Variants in PCBP3 observed in about 807,000 individuals in gnomAD.
PCBP3 encodes the protein poly(rC)-binding protein 3.
A neutral mutation model predicts 52.7 loss-of-function variants in PCBP3; 25 were observed. The ratio of observed to expected loss-of-function variants is 0.47; its 90% CI spans 0.35 to 0.66. PCBP3 has a LOEUF of 0.66. Ranked by LOEUF, PCBP3 falls within the 30% of genes least tolerant of loss-of-function variation. The pLI is 0.01. For missense variants in PCBP3, 391 were observed against 490.3 expected, an observed-to-expected ratio of 0.80 and a Z score of 1.91; for synonymous variants, 162 against 183.0, an observed-to-expected ratio of 0.89 and a Z score of 0.93.
chr21:45,868,799 A>AT (rs2094872507), intron 5 of PCBP3, among the ~76,000 whole-genome samples: 1 of 152,208 alleles, frequency 6.6e-6, no homozygotes, highest in Non-Finnish European at 1.5e-5. Context: ...GAAGGGAGCC[A>AT]TGGCGGACGT....
chr21:45,896,116 G>T, intron 5 of PCBP3, 92 bp from the exon 6 acceptor site: 2 of 1,244,430 alleles, frequency 1.6e-6, no homozygotes, highest in Non-Finnish European at 2.3e-6. Flanking sequence ...CCTGCCACCC[G>T]GGAGGCCGGA....
At chr21:45,700,779 T>C (rs1360433722) in intron 2 of PCBP3, among the ~76,000 whole-genome samples, 1 of 152,182 alleles carries the variant, frequency 6.6e-6, no homozygotes, top group Non-Finnish European at 1.5e-5. Flanking sequence ...TCTCAGGCAC[T>C]GCGTCCCTCA....
chr21:45,936,483 G>T (rs964890514), intron 16 of PCBP3, among the ~76,000 whole-genome samples: 12 of 152,236 alleles, frequency 7.9e-5, no homozygotes, highest in Admixed American at 3.9e-4. Flanking sequence ...TCTGAGGTTG[G>T]CCCAACTTGA....
chr21:45,764,215 C>T (rs947275397), intron 4 of PCBP3, among the ~76,000 whole-genome samples: 4 of 151,754 alleles, frequency 2.6e-5, no homozygotes, highest in African/African-American at 9.7e-5. Context: ...CTCCGCCTCC[C>T]GGGTTCAAGC....
intron 1 of PCBP3, among the ~76,000 whole-genome samples, chr21:45,652,626 AGAGAC>A (rs2079762655): frequency 1.3e-5 from 2 of 152,166 alleles, no homozygotes; most frequent in African/African-American, 4.8e-5. Context: ...ATTTTTTAGT[AGAGAC>A]GGGGTTTCAC....
At chr21:45,815,114 A>G (rs1332275885) in intron 4 of PCBP3, among the ~76,000 whole-genome samples, 3 of 16,312 alleles carry the variant, frequency 1.8e-4, no homozygotes, top group Non-Finnish European at 2.5e-4. Flanking sequence ...GTGAGTGGTG[A>G]GTGAGTGGTG....
In PCBP3 at chr21:45,821,983, C is replaced by T. The variant is rs2093154007; in HGVS notation, c.-125-27978C>T. 6.6e-6 allele frequency among the ~76,000 whole-genome samples: 1 copy of T among 152,224 alleles called. No homozygotes were observed. Reference sequence around the variant, plus strand: ...TGACAACTTAGCTATTTATCAGACCCCAAAATCATGAGCCTTGAGAAATGA... The same window carrying T: ...TGACAACTTAGCTATTTATCAGACCTCAAAATCATGAGCCTTGAGAAATGA... On this transcript the variant is annotated intron_variant, in intron 4 of 17. Transcript: ENST00000681687. This position sits in a 1 kb window ranked among gnomAD's most constrained non-coding sequence, Gnocchi z 4.4.
chr21:45,708,725 A>T (rs1337897009), intron 2 of PCBP3, among the ~76,000 whole-genome samples: 1 of 152,258 alleles, frequency 6.6e-6, no homozygotes, highest in Non-Finnish European at 1.5e-5. Flanking sequence ...TAGGGAATTA[A>T]TGTCCAAGAT....
chr21:45,847,447 G>A (rs1360798947), intron 4 of PCBP3, among the ~76,000 whole-genome samples: 1 of 152,040 alleles, frequency 6.6e-6, no homozygotes, highest in East Asian at 1.9e-4. Flanking sequence ...TGTTATTTTT[G>A]TTTATGTCAA....
At chr21:45,915,237 G>A (rs1258797505) in intron 12 of PCBP3, 2 of 152,162 alleles carry the variant, frequency 1.3e-5, no homozygotes, top group African/African-American at 4.8e-5. Flanking sequence ...GGCTAGCCAG[G>A]GATTTGCCTG....
In PCBP3 at chr21:45,767,116, GCA is replaced by G. The variant is rs536363379; in HGVS notation, c.-126+11667_-126+11668del. 7.9e-4 allele frequency among the ~76,000 whole-genome samples: 121 copies of G among 152,202 alleles called. No homozygotes were observed. In the South Asian group the frequency reaches 8.5e-3, roughly 11 times the overall value. Reference sequence around the variant, plus strand: ...CAAGTGTATAAGTCAGTGGCATTGAGCACAGTCTTCATGCTACGCAGCCACCA... The same window carrying G: ...CAAGTGTATAAGTCAGTGGCATTGAGCAGTCTTCATGCTACGCAGCCACCA... On this transcript the variant is annotated intron_variant, in intron 4 of 17. Coordinates refer to ENST00000681687, the MANE Select transcript of PCBP3 (RefSeq NM_001384156.1).
At chr21:45,785,259 G>GC (rs961521474) in intron 4 of PCBP3, among the ~76,000 whole-genome samples, 32 of 150,926 alleles carry the variant, frequency 2.1e-4, no homozygotes, top group Non-Finnish European at 3.5e-4. Flanking sequence ...GAGCATCTCC[G>GC]CCCGGCAGCC....
chr21:45,900,132 T>G (rs565113400), intron 7 of PCBP3, among the ~76,000 whole-genome samples: 1 of 152,262 alleles, frequency 6.6e-6, no homozygotes, highest in South Asian at 2.1e-4. Flanking sequence ...CGGGGGTCCT[T>G]CCCCTCAGTC....
rs568456548 is a variant in PCBP3, at chr21:45,896,115, C to T, written c.11-93C>T. The T allele has an allele frequency of 1.8e-3, 2,249 of 1,244,758 alleles. 9 individuals are homozygous for T. Among genetic ancestry groups the T allele is most frequent in the Non-Finnish European group, 1.9e-3 (1,707 of 887,558 alleles). 77.1% of individuals were successfully genotyped at this position (1,244,758 alleles called of 1,614,324 possible). ...TGGGCAACCCCATTCTCCTGCCACCCGGGAGGCCGGAGTGGGAGCGGCCCA... is the reference window on the plus strand; with the variant it reads ...TGGGCAACCCCATTCTCCTGCCACCTGGGAGGCCGGAGTGGGAGCGGCCCA... On this transcript the variant is annotated intron_variant, in intron 5 of 17. Coordinates refer to ENST00000681687, the MANE Select transcript of PCBP3 (RefSeq NM_001384156.1).
chr21:45,822,906 C>G (rs1225781161), intron 4 of PCBP3, among the ~76,000 whole-genome samples: 1 of 152,110 alleles, frequency 6.6e-6, no homozygotes, highest in Non-Finnish European at 1.5e-5. Flanking sequence ...GAGGAAGCCC[C>G]CAGAGGTGAA....
intron 5 of PCBP3, among the ~76,000 whole-genome samples, chr21:45,890,434 A>G (rs1007501556): frequency 6.6e-6 from 1 of 151,942 alleles, no homozygotes; most frequent in African/African-American, 2.4e-5. Context: ...TGCACTGCTC[A>G]GGGGAATGTG....
chr21:45,782,667 A>G (rs1373478424), intron 4 of PCBP3, among the ~76,000 whole-genome samples: 2 of 152,260 alleles, frequency 1.3e-5, no homozygotes, highest in Non-Finnish European at 2.9e-5. Context: ...AGACATTTAT[A>G]TTCAAATTCA....
At chr21:45,760,590 G>A (rs1245714204) in intron 4 of PCBP3, 1 of 152,078 alleles carries the variant, frequency 6.6e-6, no homozygotes, top group East Asian at 1.9e-4. Context: ...GTAGAGTGTG[G>A]GGACATTAGG....
intron 2 of PCBP3, among the ~76,000 whole-genome samples, chr21:45,670,022 CT>C (rs1326124751): frequency 6.6e-6 from 1 of 151,596 alleles, no homozygotes; most frequent in Admixed American, 6.6e-5. Context: ...CTTTTCTTAA[CT>C]TTTTGAGGAA....
Sources: gnomAD v4.1 joint callset for allele counts (sites outside exome capture counted in the v4.1 genomes callset) on GRCh38, gnomAD v4.1.1 for gene constraint, Gnocchi (gnomAD v3.1) non-coding constraint, MANE v1.5 for transcripts, NCBI Gene and HGNC (gene_info 2026-07-23, HGNC 2026-07-21) for gene names.